The following ANAPC1 variants were observed in gnomAD, a reference collection of about 807,000 sequenced individuals.
The protein encoded by ANAPC1 is anaphase-promoting complex subunit 1.
ANAPC1 carries 36 observed loss-of-function variants against 208.0 expected under a neutral mutation model. That is an observed-to-expected ratio of 0.17 (90% CI 0.13 to 0.23). The LOEUF is 0.23. ANAPC1 is among the 10% of genes least tolerant of loss of function. ANAPC1 has a pLI of 1.00. For synonymous variants in ANAPC1, 378 were observed against 695.2 expected (o/e 0.54, Z 7.18); for missense variants, 942 against 2,011.6 (o/e 0.47, Z 10.17).
At chr2:111,782,271 A>G in intron 43 of ANAPC1, 98 bp downstream of exon 43, 1 of 1,447,198 alleles carries the variant, frequency 6.9e-7, no homozygotes, top group East Asian at 2.5e-5. Flanking sequence ...GCAACAATGA[A>G]AAAGGAAGCA....
intron 9 of ANAPC1, 76 bp downstream of exon 9, chr2:111,863,599 C>T (rs1488917810): frequency 1.9e-5 from 26 of 1,363,084 alleles, no homozygotes; most frequent in Non-Finnish European, 2.5e-5. Context: ...CCCCTAAAAA[C>T]AGCTGTCAAC....
chr2:111,837,481 G>T (rs62165378), intron 18 of ANAPC1, among the ~76,000 whole-genome samples: 48,096 of 148,340 alleles, frequency 0.32, 6,002 homozygotes, highest in South Asian at 0.42. Context: ...TTGGCCAGGC[G>T]TGGTGGCGCA....
chr2:111,781,930 T>C (rs1677303656), intron 43 of ANAPC1, among the ~76,000 whole-genome samples: 1 of 152,300 alleles, frequency 6.6e-6, no homozygotes, highest in South Asian at 2.1e-4. Flanking sequence ...AGTCTGAATC[T>C]GTCATCAGTT....
intron 14 of ANAPC1, among the ~76,000 whole-genome samples, chr2:111,849,154 A>G (rs1220419763): frequency 6.6e-6 from 1 of 152,252 alleles, no homozygotes; most frequent in Non-Finnish European, 1.5e-5. Flanking sequence ...TCACCAGGAA[A>G]AATTCAGCTC....
intron 8 of ANAPC1, among the ~76,000 whole-genome samples, chr2:111,864,463 C>CTTTTTTTTT (rs1156702851): frequency 2.1e-5 from 2 of 95,186 alleles, no homozygotes; most frequent in African/African-American, 4.0e-5. Flanking sequence ...TATATATATA[C>CTTTTTTTTT]TTTTTTTTTT....
chr2:111,836,639 C>T (rs1013075266), intron 18 of ANAPC1, among the ~76,000 whole-genome samples: 6 of 150,256 alleles, frequency 4.0e-5, no homozygotes, highest in African/African-American at 1.5e-4. Flanking sequence ...AGAGTGACAC[C>T]CTGTCTCTTA....
chr2:111,829,371 G>A (rs752137971), intron 21 of ANAPC1, among the ~76,000 whole-genome samples: 12 of 152,130 alleles, frequency 7.9e-5, no homozygotes, highest in Non-Finnish European at 1.0e-4. Context: ...ATGAAGCAGA[G>A]CAAAATGTAG....
intron 39 of ANAPC1, 47 bp from the exon 40 acceptor site, chr2:111,785,524 T>C: frequency 1.8e-6 from 2 of 1,103,592 alleles, no homozygotes; most frequent in Admixed American, 1.8e-5. Context: ...ACTGTGACAA[T>C]ATGAGCTCTG....
chr2:111,770,988 GT>G (rs1452821744), intron 47 of ANAPC1: 2 of 154,132 alleles, frequency 1.3e-5, no homozygotes, highest in Non-Finnish European at 2.9e-5. Flanking sequence ...CTCTGGGTAT[GT>G]TTTCTTTCTC....
intron 17 of ANAPC1, among the ~76,000 whole-genome samples, chr2:111,839,787 A>G (rs1426487506): frequency 2.6e-5 from 4 of 152,184 alleles, no homozygotes; most frequent in Non-Finnish European, 5.9e-5. Context: ...TGTCCCTGCT[A>G]TAATTATCAG....
At chr2:111,824,476 A>G (rs1679719906) in intron 24 of ANAPC1, among the ~76,000 whole-genome samples, 1 of 152,108 alleles carries the variant, frequency 6.6e-6, no homozygotes, top group African/African-American at 2.4e-5. Context: ...GGTTTGGGGA[A>G]TAGGGAATAT....
In ANAPC1 at chr2:111,838,540, A is replaced by T. The variant is rs1460529707; in HGVS notation, c.2041-28T>A. The T allele has an allele frequency of 5.7e-6, 9 of 1,569,714 alleles. No individual in the cohort carries two copies. In the South Asian group the frequency reaches 7.1e-5, roughly 12 times the overall value. The stretch of plus-strand genomic sequence containing the variant: ...GAAAAGTAACCCCAAAAGAAAAGAT[A>T]AAAATCGTAAATGCATTCCTGTCAA... On this transcript the variant is annotated intron_variant, in intron 17 of 47. Coordinates refer to ENST00000341068, the MANE Select transcript of ANAPC1 (RefSeq NM_022662.4).
intron 17 of ANAPC1, among the ~76,000 whole-genome samples, chr2:111,839,815 T>C (rs1419751912): frequency 6.6e-6 from 1 of 151,740 alleles, no homozygotes; most frequent in Admixed American, 6.6e-5. Context: ...AGGCCTGGAG[T>C]TATGAGAAAG....
chr2:111,874,361 A>G (rs1403368324), intron 3 of ANAPC1, among the ~76,000 whole-genome samples: 1 of 152,164 alleles, frequency 6.6e-6, no homozygotes, highest in Non-Finnish European at 1.5e-5. Context: ...GAGCTTGTAC[A>G]ATACTGCACA....
chr2:111,787,598 C>T (rs1383123834), intron 39 of ANAPC1, among the ~76,000 whole-genome samples: 3 of 152,154 alleles, frequency 2.0e-5, no homozygotes, highest in Non-Finnish European at 4.4e-5. Context: ...CTATTTTATT[C>T]TCTGCCCCCA....
At chr2:111,795,580 ACTT>A (rs1223255878) in intron 34 of ANAPC1, among the ~76,000 whole-genome samples, 19 of 140,800 alleles carry the variant, frequency 1.3e-4, no homozygotes, top group African/African-American at 4.4e-4. Flanking sequence ...CTCTAATCAG[ACTT>A]CTTCTTTACG....
At chr2:111,862,786 T>G (rs376369358) in intron 9 of ANAPC1, among the ~76,000 whole-genome samples, 188 bp from the exon 10 acceptor site, 1 of 152,126 alleles carries the variant, frequency 6.6e-6, no homozygotes, top group Admixed American at 6.6e-5. Context: ...CTTTACTATA[T>G]TCTAAAGATT....
chr2:111,827,274 TA>T (rs2104447914), intron 21 of ANAPC1, among the ~76,000 whole-genome samples: 1 of 152,274 alleles, frequency 6.6e-6, no homozygotes, highest in African/African-American at 2.4e-5. Context: ...TCAAAAGAGT[TA>T]AAATATTCAA....
At chr2:111,841,173 A>G (rs1680740193) in intron 17 of ANAPC1, among the ~76,000 whole-genome samples, 1 of 152,066 alleles carries the variant, frequency 6.6e-6, no homozygotes, top group African/African-American at 2.4e-5. Context: ...TCAGATGGAA[A>G]ATGGCATTCA....
Sources: gnomAD v4.1 joint callset for allele counts (sites outside exome capture counted in the v4.1 genomes callset) on GRCh38, gnomAD v4.1.1 for gene constraint, MANE v1.5 for transcripts, NCBI Gene and HGNC (gene_info 2026-07-23, HGNC 2026-07-21) for gene names.